The following ITIH5 variants were observed in gnomAD, a reference collection of about 807,000 sequenced individuals.
ITIH5 encodes the protein inter-alpha-trypsin inhibitor heavy chain H5.
A neutral mutation model predicts 77.5 loss-of-function variants in ITIH5; 65 were observed. The observed-to-expected ratio is 0.84, with a 90% CI of 0.69 to 1.03. The LOEUF is 1.03. Among genes scored for constraint, ITIH5 ranks in the 50% least tolerant of loss-of-function variants. The pLI is 0.00. For synonymous variants in ITIH5, 525 were observed against 494.3 expected (o/e 1.06, Z -0.82); for missense variants, 1,208 against 1,213.1 (o/e 1.00, Z 0.06).
chr10:7,643,143 T>C (rs1265894262), intron 2 of ITIH5, among the ~76,000 whole-genome samples: 1 of 152,170 alleles, frequency 6.6e-6, no homozygotes, highest in African/African-American at 2.4e-5. Flanking sequence ...AGAAAGACCA[T>C]GTGGGCACAC....
At chr10:7,570,572 AC>A (rs1397831123) in intron 11 of ITIH5, among the ~76,000 whole-genome samples, 4 of 152,226 alleles carry the variant, frequency 2.6e-5, no homozygotes, top group Middle Eastern at 6.3e-3. Flanking sequence ...CAATTCTCTT[AC>A]CAGATTGGAG....
chr10:7,565,875 C>CACAT (rs959403487), intron 13 of ITIH5, among the ~76,000 whole-genome samples, 155 bp downstream of exon 13: 25 of 151,400 alleles, frequency 1.7e-4, no homozygotes, highest in African/African-American at 5.3e-4. Flanking sequence ...TGTACACACA[C>CACAT]ACATACATAC....
chr10:7,635,609 A>T (rs1477768612), intron 5 of ITIH5, among the ~76,000 whole-genome samples: 1 of 152,186 alleles, frequency 6.6e-6, no homozygotes, highest in Non-Finnish European at 1.5e-5. Context: ...AGTCCAACAC[A>T]TAACAAAGGA....
intron 8 of ITIH5, among the ~76,000 whole-genome samples, chr10:7,581,898 T>C (rs772974542): frequency 5.9e-4 from 75 of 126,960 alleles, no homozygotes; most frequent in Non-Finnish European, 8.6e-4. Flanking sequence ...TTTTTTGAGA[T>C]ATAGTCATGC....
intron 12 of ITIH5, among the ~76,000 whole-genome samples, chr10:7,568,456 A>G (rs1407246880): frequency 2.0e-5 from 3 of 152,198 alleles, no homozygotes; most frequent in African/African-American, 7.2e-5. Flanking sequence ...CTGCTCCCAG[A>G]ATAGGAGGTA....
intron 7 of ITIH5, among the ~76,000 whole-genome samples, chr10:7,599,297 A>G (rs1167909906): frequency 6.6e-6 from 1 of 152,146 alleles, no homozygotes; most frequent in Non-Finnish European, 1.5e-5. Flanking sequence ...CAAGAACCCA[A>G]CCTACCTCTA....
At chr10:7,656,375 G>A (rs540744646) in intron 1 of ITIH5, among the ~76,000 whole-genome samples, 40 of 152,170 alleles carry the variant, frequency 2.6e-4, no homozygotes, top group African/African-American at 6.0e-4. Flanking sequence ...CCGCCAGATC[G>A]GGGTCATTTT....
At chr10:7,587,158 C>A (rs181675998) in intron 7 of ITIH5, among the ~76,000 whole-genome samples, 1 of 152,060 alleles carries the variant, frequency 6.6e-6, no homozygotes, top group Non-Finnish European at 1.5e-5. Context: ...AGAAGGAAGG[C>A]AGTTTGAGCA....
intron 2 of ITIH5, among the ~76,000 whole-genome samples, chr10:7,647,733 C>T (rs1564279757): frequency 6.6e-6 from 1 of 152,112 alleles, no homozygotes; most frequent in Non-Finnish European, 1.5e-5. Flanking sequence ...GTAAACTAAA[C>T]TTTCAGCATA....
At position 7,582,682 on chromosome 10, in the gene ITIH5, G is replaced by A. The variant is rs540842646; in HGVS notation, c.1109-2618C>T. Reference sequence around the variant, plus strand: ...AAAAAAGAATGAGATCTTGTCATCTGCAACAAGATGGATGGAACTGGAGCT... The same window carrying A: ...AAAAAAGAATGAGATCTTGTCATCTACAACAAGATGGATGGAACTGGAGCT... On this transcript the variant is annotated intron_variant, in intron 8 of 13. Transcript: ENST00000397146. 3.9e-5 allele frequency among the ~76,000 whole-genome samples: 6 copies of A among 152,252 alleles called. No individual in the cohort carries two copies. The East Asian group carries it at 1.2e-3, about 29-fold the overall frequency.
Position 7,560,387 on chromosome 10 carries a change from T to C in ITIH5, c.*2696A>G, listed in dbSNP as rs1248776462. ...TATCAGGACACACGATTCAATTAAA[T>C]GTTGAATGTTACTCCCTAGAGAAAC... On this transcript the variant is annotated 3_prime_UTR_variant, in exon 14 of 14. Transcript: ENST00000397146. 1 of 152,312 alleles carries C rather than the reference T, an allele frequency of 6.6e-6. No homozygotes were observed. Among genetic ancestry groups the C allele is most frequent in the Non-Finnish European group, 1.5e-5 (1 of 68,120 alleles). 9.4% of individuals were successfully genotyped at this position (152,312 alleles called of 1,614,324 possible).
chr10:7,602,335 A>G (rs1833032262), intron 7 of ITIH5, among the ~76,000 whole-genome samples: 1 of 152,110 alleles, frequency 6.6e-6, no homozygotes, highest in African/African-American at 2.4e-5. Context: ...AAAACTCAAT[A>G]CATAATATTT....
chr10:7,588,709 GGAT>G (rs1832731581), intron 7 of ITIH5, among the ~76,000 whole-genome samples: 1 of 152,214 alleles, frequency 6.6e-6, no homozygotes, highest in Non-Finnish European at 1.5e-5. Flanking sequence ...ATCATTAGAA[GGAT>G]GATGATGACG....
intron 5 of ITIH5, chr10:7,618,461 T>G (rs1833412017): frequency 6.6e-6 from 1 of 152,222 alleles, no homozygotes; most frequent in African/African-American, 2.4e-5. Flanking sequence ...ACACAGAGAA[T>G]TATTTAGCAA....
At chr10:7,635,127 C>T (rs1312391832) in intron 5 of ITIH5, among the ~76,000 whole-genome samples, 3 of 152,222 alleles carry the variant, frequency 2.0e-5, no homozygotes, top group African/African-American at 7.2e-5. Flanking sequence ...CAATTAGCTA[C>T]CTACTGTTTA....
intron 5 of ITIH5, among the ~76,000 whole-genome samples, chr10:7,630,608 T>C (rs1246135350): frequency 6.6e-6 from 1 of 152,222 alleles, no homozygotes; most frequent in Non-Finnish European, 1.5e-5. Flanking sequence ...TGGCCATTCA[T>C]ATGTCTTCTT....
At position 7,665,242 on chromosome 10, in the gene ITIH5, A is replaced by G. The variant is rs149748181; in HGVS notation, c.90+1561T>C. Among the ~76,000 whole-genome samples, 17 of 152,290 alleles carry G rather than the reference A, an allele frequency of 1.1e-4. No homozygotes were observed. In the East Asian group the frequency reaches 3.1e-3, roughly 28 times the overall value. On this transcript the variant is annotated intron_variant, in intron 1 of 13. Transcript: ENST00000397146. ...CCTACTTGAACTTGGTATATGCTAG[A>G]GTTTAAACAGCCTTCCTAGTTCAGA...
At chr10:7,649,615 C>T (rs1197446669) in intron 2 of ITIH5, among the ~76,000 whole-genome samples, 2 of 151,992 alleles carry the variant, frequency 1.3e-5, no homozygotes, top group Non-Finnish European at 2.9e-5. Flanking sequence ...GTGAGGTCTG[C>T]AAAAGTAAGA....
intron 1 of ITIH5, among the ~76,000 whole-genome samples, chr10:7,665,243 G>A (rs894873485): frequency 2.0e-5 from 3 of 152,182 alleles, no homozygotes; most frequent in African/African-American, 7.2e-5. Flanking sequence ...ATATGCTAGA[G>A]TTTAAACAGC....
Sources: gnomAD v4.1 joint callset for allele counts (sites outside exome capture counted in the v4.1 genomes callset) on GRCh38, gnomAD v4.1.1 for gene constraint, MANE v1.5 for transcripts, NCBI Gene and HGNC (gene_info 2026-07-23, HGNC 2026-07-21) for gene names.